The following CRADD variants were observed in gnomAD, a reference collection of about 807,000 sequenced individuals.
The protein encoded by CRADD is CARD and death domain containing adaptor protein.
A neutral mutation model predicts 15.5 loss-of-function variants in CRADD; 9 were observed. The observed-to-expected ratio is 0.58, with a 90% confidence interval of 0.35 to 1.01. The LOEUF (loss-of-function observed/expected upper bound fraction) is 1.01. CRADD is among the 50% of genes least tolerant of loss of function. The pLI, the probability that CRADD is intolerant of heterozygous loss-of-function variation, is 0.02. For missense variants in CRADD, 227 were observed against 250.3 expected, an observed-to-expected ratio of 0.91 and a Z score of 0.63; for synonymous variants, 118 against 107.6, an observed-to-expected ratio of 1.10 and a Z score of -0.60.
chr12:93,886,144 T>C (rs1251143263), intron 2 of CRADD, among the ~76,000 whole-genome samples: 1 of 148,136 alleles, frequency 6.8e-6, no homozygotes, highest in Non-Finnish European at 1.5e-5. Context: ...AAGATGGACA[T>C]GCCTCTAGCT....
chr12:93,743,699 T>G (rs1956712699), intron 2 of CRADD, among the ~76,000 whole-genome samples: 2 of 152,198 alleles, frequency 1.3e-5, no homozygotes, highest in African/African-American at 4.8e-5. Context: ...GTTCTCTTCT[T>G]ATATTCAGGG....
At chr12:93,753,638 C>A (rs1956855515) in intron 2 of CRADD, among the ~76,000 whole-genome samples, 1 of 152,222 alleles carries the variant, frequency 6.6e-6, no homozygotes, top group African/African-American at 2.4e-5. Context: ...AGGCTCCATG[C>A]AAGTTTGAAA....
At chr12:93,759,994 A>G (rs1352524038) in intron 2 of CRADD, among the ~76,000 whole-genome samples, 1 of 152,154 alleles carries the variant, frequency 6.6e-6, no homozygotes, top group Non-Finnish European at 1.5e-5. Flanking sequence ...TTTGGTTTTC[A>G]AGGTCAGGCT....
intron 2 of CRADD, among the ~76,000 whole-genome samples, chr12:93,840,545 ATAAC>A (rs1214833481): frequency 6.9e-6 from 1 of 145,486 alleles, no homozygotes; most frequent in African/African-American, 2.6e-5. Flanking sequence ...CTTATTATTT[ATAAC>A]TAACTAATTT....
chr12:93,767,445 G>C (rs1048274758), intron 2 of CRADD, among the ~76,000 whole-genome samples: 1 of 152,154 alleles, frequency 6.6e-6, no homozygotes, highest in Non-Finnish European at 1.5e-5. Context: ...CATTTATTCT[G>C]TGTCCTCTAT....
downstream of CRADD, among the ~76,000 whole-genome samples, chr12:93,854,176 C>T (rs1013135776): frequency 2.6e-5 from 4 of 152,280 alleles, no homozygotes; most frequent in Middle Eastern, 3.4e-3. Flanking sequence ...CGATCTGGGC[C>T]AGCTCAGCTG....
Position 93,738,592 on chromosome 12 carries a change from C to T in CRADD, c.298+59520C>T, listed in dbSNP as rs1372089605. 2.0e-5 allele frequency: 13 copies of T among 637,226 alleles called. No individual in the cohort carries two copies. The East Asian group carries it at 3.6e-4, about 18-fold the overall frequency. 39.5% of individuals were successfully genotyped at this position (637,226 alleles called of 1,614,324 possible). On this transcript the variant is annotated intron_variant, in intron 2 of 2. Coordinates refer to ENST00000332896, the MANE Select transcript of CRADD (RefSeq NM_003805.5). ...CCCGCTCCCACCGCCACCCCCTGCA[C>T]CACACGCCAGCCCTTAATAAAAACT...
chr12:93,706,459 C>T (rs1158121155), intron 2 of CRADD, among the ~76,000 whole-genome samples: 1 of 152,190 alleles, frequency 6.6e-6, no homozygotes, highest in Admixed American at 6.5e-5. Context: ...GTTACCTTTA[C>T]TCTTCTCCCT....
At chr12:93,750,949 T>G (rs1846476572) in intron 2 of CRADD, among the ~76,000 whole-genome samples, 1 of 152,228 alleles carries the variant, frequency 6.6e-6, no homozygotes, top group African/African-American at 2.4e-5. Context: ...TCTGTCTTTG[T>G]AGAAGTTCGA....
At chr12:93,680,221 T>C (rs1289343144) in intron 2 of CRADD, among the ~76,000 whole-genome samples, 1 of 152,050 alleles carries the variant, frequency 6.6e-6, no homozygotes. Flanking sequence ...TAATTGAAAG[T>C]TGGCTTGCAA....
At chr12:93,820,563 G>C (rs1195650071) in intron 2 of CRADD, among the ~76,000 whole-genome samples, 1 of 148,554 alleles carries the variant, frequency 6.7e-6, no homozygotes, top group South Asian at 2.1e-4. Flanking sequence ...AAAAAAAAAA[G>C]AAAAAAAAGC....
rs58305551 is a variant in CRADD at position 93,790,912 on chromosome 12, G to GACAC, written c.299-59033_299-59030dup. Among the ~76,000 whole-genome samples the GACAC allele has an allele frequency of 2.2e-3, 315 of 144,854 alleles. 4 individuals are homozygous for GACAC. Among genetic ancestry groups the GACAC allele is most frequent in the South Asian group, 9.3e-3 (41 of 4,426 alleles). ...CCAAGAAATAAAATGCCATATACAT[G>GACAC]ACACACACACACACACACACACACA... On this transcript the variant is annotated intron_variant, in intron 2 of 2. Coordinates refer to ENST00000332896, the MANE Select transcript of CRADD (RefSeq NM_003805.5).
downstream of CRADD, among the ~76,000 whole-genome samples, chr12:93,854,088 A>G (rs927737825): frequency 4.6e-5 from 7 of 152,166 alleles, no homozygotes; most frequent in African/African-American, 1.7e-4. Context: ...TACCCCCAAG[A>G]TGTAATGGCT....
At chr12:93,770,167 C>T (rs1332713094) in intron 2 of CRADD, among the ~76,000 whole-genome samples, 4 of 145,510 alleles carry the variant, frequency 2.7e-5, no homozygotes, top group African/African-American at 1.0e-4. Flanking sequence ...GCAATCTCGG[C>T]TCACTGCAAG....
chr12:93,844,620 G>A (rs1958091572), intron 2 of CRADD, among the ~76,000 whole-genome samples: 3 of 152,102 alleles, frequency 2.0e-5, no homozygotes, highest in African/African-American at 7.2e-5. Context: ...TAATTGGCTC[G>A]AAGCATATGT....
chr12:93,742,891 A>G (rs1338560349), intron 2 of CRADD, among the ~76,000 whole-genome samples: 2 of 152,094 alleles, frequency 1.3e-5, no homozygotes, highest in African/African-American at 4.8e-5. Flanking sequence ...CCTTATCAGG[A>G]GGGGGGTCAG....
At chr12:93,839,623 C>T (rs1245351760) in intron 2 of CRADD, among the ~76,000 whole-genome samples, 4 of 152,206 alleles carry the variant, frequency 2.6e-5, no homozygotes, top group Non-Finnish European at 5.9e-5. Context: ...GTCTAGATTT[C>T]TATACATATA....
intron 2 of CRADD, among the ~76,000 whole-genome samples, chr12:93,885,434 G>GT: frequency 6.6e-6 from 1 of 150,774 alleles, no homozygotes; most frequent in African/African-American, 2.5e-5. Flanking sequence ...CTAGGTCCTC[G>GT]TGCCCCCGCC....
chr12:93,837,024 A>G (rs536798507), intron 2 of CRADD, among the ~76,000 whole-genome samples: 16 of 152,084 alleles, frequency 1.1e-4, no homozygotes, highest in Non-Finnish European at 1.9e-4. Flanking sequence ...CTGAGAAGTT[A>G]TATTTGGTGA....
Sources: allele counts gnomAD v4.1 joint callset (sites outside exome capture counted in the v4.1 genomes callset), GRCh38; gene constraint gnomAD v4.1.1; transcripts MANE v1.5; gene names NCBI Gene and HGNC (gene_info 2026-07-23, HGNC 2026-07-21).